Variants in ANGPT1 observed in about 807,000 individuals in gnomAD.
ANGPT1 encodes angiopoietin-1.
Under a neutral mutation model 62.2 loss-of-function variants are expected in ANGPT1, and 17 were observed. The observed-to-expected ratio is 0.27, with a 90% CI of 0.19 to 0.41. The LOEUF (loss-of-function observed/expected upper bound fraction) is 0.41. Among genes scored for constraint, ANGPT1 ranks in the 10% least tolerant of loss-of-function variants. The pLI is 1.00. For missense variants in ANGPT1, 478 were observed against 594.9 expected, an observed-to-expected ratio of 0.80 and a Z score of 2.04; for synonymous variants, 199 against 198.9, an observed-to-expected ratio of 1.00 and a Z score of 0.00.
intron 7 of ANGPT1, among the ~76,000 whole-genome samples, chr8:107,283,514 T>G (rs529696954): frequency 6.6e-6 from 1 of 151,860 alleles, no homozygotes; most frequent in African/African-American, 2.4e-5. Flanking sequence ...TATGCAGAAT[T>G]CAAACTTTTA....
At chr8:107,473,710 T>A (rs1192726331) in intron 1 of ANGPT1, among the ~76,000 whole-genome samples, 1 of 152,068 alleles carries the variant, frequency 6.6e-6, no homozygotes. Flanking sequence ...AACAGTGCAG[T>A]GTATATCCTG....
At position 107,370,418 on chromosome 8, in the gene ANGPT1, C is replaced by G. The variant is rs1399190693; in HGVS notation, c.298-23321G>C. Among the ~76,000 whole-genome samples the G allele has an allele frequency of 3.1e-5, 4 of 129,040 alleles. 1 individual carries two copies. Among genetic ancestry groups the G allele is most frequent in the African/African-American group, 1.1e-4 (4 of 36,634 alleles). 84.7% of individuals were successfully genotyped at this position (129,040 alleles called of 152,430 possible). A position where few individuals can be genotyped will look rare whatever the true frequency, so the allele number is the denominator to read the frequency against. ...AAAGAAAGAAAGAAAGAGTCAGGGTCAGTGGCTCAGGCCTATAATCCTAAC... is the reference window on the plus strand; with the variant it reads ...AAAGAAAGAAAGAAAGAGTCAGGGTGAGTGGCTCAGGCCTATAATCCTAAC... On this transcript the variant is annotated intron_variant, in intron 1 of 8. Coordinates refer to ENST00000517746, the MANE Select transcript of ANGPT1 (RefSeq NM_001146.5).
At chr8:107,311,093 T>G (rs1032055394) in intron 4 of ANGPT1, among the ~76,000 whole-genome samples, 5 of 151,602 alleles carry the variant, frequency 3.3e-5, no homozygotes, top group African/African-American at 1.2e-4. Context: ...ATTGAAAGTA[T>G]GTGTGTGTGT....
chr8:107,357,668 A>G (rs1034676728), intron 1 of ANGPT1, among the ~76,000 whole-genome samples: 3 of 152,202 alleles, frequency 2.0e-5, no homozygotes, highest in African/African-American at 7.2e-5. Context: ...ATCTTTTAAA[A>G]GAAATCTTCT....
At chr8:107,283,353 C>G (rs1207111523) in intron 7 of ANGPT1, among the ~76,000 whole-genome samples, 1 of 152,062 alleles carries the variant, frequency 6.6e-6, no homozygotes, top group Non-Finnish European at 1.5e-5. Context: ...CCCTCCACCC[C>G]CACCATGAGA....
chr8:107,494,499 G>A (rs1240933205), intron 1 of ANGPT1: 1 of 152,152 alleles, frequency 6.6e-6, no homozygotes, highest in African/African-American at 2.4e-5. Flanking sequence ...AAACTATGAT[G>A]TTAGGCATAT....
intron 1 of ANGPT1, among the ~76,000 whole-genome samples, chr8:107,455,891 C>T (rs1054482135): frequency 4.6e-5 from 7 of 151,922 alleles, no homozygotes; most frequent in Non-Finnish European, 1.0e-4. Flanking sequence ...GCAACAGCCT[C>T]AGAAAGACCC....
chr8:107,257,700 G>A (rs1813389644), intron 8 of ANGPT1, among the ~76,000 whole-genome samples: 1 of 152,018 alleles, frequency 6.6e-6, no homozygotes, highest in Non-Finnish European at 1.5e-5. Context: ...CCATCAATGG[G>A]ATCATAATGG....
At chr8:107,381,770 G>T (rs1297691346) in intron 1 of ANGPT1, among the ~76,000 whole-genome samples, 1 of 152,206 alleles carries the variant, frequency 6.6e-6, no homozygotes, top group Non-Finnish European at 1.5e-5. Context: ...CAGTGGGCAT[G>T]ACAGGAATTG....
rs187661716 is a variant in ANGPT1 at position 107,327,835 on chromosome 8, C to T, written c.576-5707G>A. 9.5e-4 allele frequency among the ~76,000 whole-genome samples: 145 copies of T among 152,188 alleles called. 1 individual carries two copies. Among genetic ancestry groups the T allele is most frequent in the Admixed American group, 2.6e-3 (39 of 15,258 alleles). ...ATAAAATAAACAAAATAATCTGTGC[C>T]TCGAACTTTAGTAAAAGGTTCTAAA... On this transcript the variant is annotated intron_variant, in intron 3 of 8. Transcript: ENST00000517746.
intron 1 of ANGPT1, among the ~76,000 whole-genome samples, chr8:107,362,109 A>G (rs1816178650): frequency 6.6e-6 from 1 of 152,210 alleles, no homozygotes; most frequent in South Asian, 2.1e-4. Flanking sequence ...ACATATGTAG[A>G]TGTGCATATG....
chr8:107,432,960 T>C (rs1422844171), intron 1 of ANGPT1, among the ~76,000 whole-genome samples: 1 of 152,216 alleles, frequency 6.6e-6, no homozygotes, highest in Non-Finnish European at 1.5e-5. Flanking sequence ...ATTTATAATT[T>C]GTTCTTACAA....
chr8:107,423,463 G>T (rs184527334), intron 1 of ANGPT1, among the ~76,000 whole-genome samples: 3 of 152,148 alleles, frequency 2.0e-5, no homozygotes, highest in African/African-American at 7.2e-5. Context: ...CTGGGCCCCC[G>T]AAAGGCCATT....
chr8:107,404,500 T>A (rs1336165292), intron 1 of ANGPT1, among the ~76,000 whole-genome samples: 1 of 152,154 alleles, frequency 6.6e-6, no homozygotes, highest in African/African-American at 2.4e-5. Flanking sequence ...TGTCCTTTTT[T>A]AAAGATCATA....
At chr8:107,267,842 C>G (rs2130054497) in intron 7 of ANGPT1, among the ~76,000 whole-genome samples, 1 of 152,084 alleles carries the variant, frequency 6.6e-6, no homozygotes, top group Middle Eastern at 3.4e-3. Flanking sequence ...AGTGCTCCAG[C>G]CTTACCCACT....
chr8:107,475,927 AGTAAACAACAG>A (rs1231531356), intron 1 of ANGPT1, among the ~76,000 whole-genome samples: 1 of 152,256 alleles, frequency 6.6e-6, no homozygotes, highest in Non-Finnish European at 1.5e-5. Flanking sequence ...TTAAAAAGTC[AGTAAACAACAG>A]GTGCTGGAGA....
chr8:107,288,332 T>G (rs1469525343), intron 6 of ANGPT1, among the ~76,000 whole-genome samples: 2 of 152,178 alleles, frequency 1.3e-5, no homozygotes, highest in Non-Finnish European at 2.9e-5. Flanking sequence ...AGTATCTGTT[T>G]CCTTCGACTC....
chr8:107,447,105 T>C (rs1430466263), intron 1 of ANGPT1, among the ~76,000 whole-genome samples: 1 of 152,220 alleles, frequency 6.6e-6, no homozygotes, highest in African/African-American at 2.4e-5. Flanking sequence ...CTTCTATTTC[T>C]ACTGCGACCA....
chr8:107,334,871 T>A (rs1311695774), intron 3 of ANGPT1, among the ~76,000 whole-genome samples: 2 of 152,200 alleles, frequency 1.3e-5, no homozygotes, highest in African/African-American at 4.8e-5. Context: ...AAGGGTCAAG[T>A]CCTGTCAAGT....
Sources: gnomAD v4.1 joint callset for allele counts (sites outside exome capture counted in the v4.1 genomes callset) on GRCh38, gnomAD v4.1.1 for gene constraint, MANE v1.5 for transcripts, NCBI Gene and HGNC (gene_info 2026-07-23, HGNC 2026-07-21) for gene names.